Variants in CLIP1 observed in about 807,000 individuals in gnomAD.
CLIP1 encodes the protein CAP-Gly domain-containing linker protein 1.
A neutral mutation model predicts 161.6 loss-of-function variants in CLIP1; 66 were observed. The observed-to-expected ratio is 0.41, with a 90% CI of 0.33 to 0.50. The LOEUF is 0.50. Among genes scored for constraint, CLIP1 ranks in the 20% least tolerant of loss-of-function variants. The pLI, the probability that CLIP1 is intolerant of heterozygous loss-of-function variation, is 0.27. For missense variants in CLIP1, 1,376 were observed against 1,702.0 expected (o/e 0.81, Z 3.37); for synonymous variants, 598 against 626.2 (o/e 0.96, Z 0.67).
rs1951586270 is a variant in CLIP1 at position 122,323,316 on chromosome 12, T to C, written c.3250-3968A>G. On this transcript the variant is annotated intron_variant, in intron 17 of 25. Coordinates refer to ENST00000620786, the MANE Select transcript of CLIP1 (RefSeq NM_001247997.2). This position sits in a 1 kb window ranked among gnomAD's most constrained non-coding sequence, Gnocchi z 4.1. ...AAGCATTTGTGGAGTTTTTCAGTGATTATTCTATTTTCACTTAAAAGTTCC... is the reference window on the plus strand; with the variant it reads ...AAGCATTTGTGGAGTTTTTCAGTGACTATTCTATTTTCACTTAAAAGTTCC... 1 of 152,538 alleles carries C rather than the reference T, an allele frequency of 6.6e-6. No homozygotes were observed. Among genetic ancestry groups the C allele is most frequent in the Admixed American group, 6.6e-5 (1 of 15,258 alleles). The allele number at this position is 152,538 out of a possible 1,614,324, so 9.4% of individuals were successfully genotyped here.
rs1953288618 is a variant in CLIP1, at chr12:122,355,423, G to A, written c.1006-111C>T. ...TCGGCAAAGCAAGGGCGCTGCTCCA[G>A]CTGGCAGGCTGGCCAGGATTAGGAA... On this transcript the variant is annotated intron_variant, in intron 5 of 25. Coordinates refer to ENST00000620786, the MANE Select transcript of CLIP1 (RefSeq NM_001247997.2). This position sits in a 1 kb window ranked among gnomAD's most constrained non-coding sequence, Gnocchi z 4.1. 1 of 871,446 alleles carries A rather than the reference G, an allele frequency of 1.1e-6. No individual in the cohort carries two copies. The highest frequency in any genetic ancestry group is 1.7e-5 in the African/African-American group (1 of 59,302). The allele number at this position is 871,446 out of a possible 1,614,324, so 54.0% of individuals were successfully genotyped here.
chr12:122,296,932 C>T (rs902171030), intron 20 of CLIP1, among the ~76,000 whole-genome samples: 3 of 149,512 alleles, frequency 2.0e-5, no homozygotes, highest in Non-Finnish European at 4.4e-5. Context: ...ACAGCGTAGA[C>T]GAGTGGCCAA....
chr12:122,393,409 G>A (rs569538022), intron 1 of CLIP1, among the ~76,000 whole-genome samples: 2 of 151,336 alleles, frequency 1.3e-5, no homozygotes, highest in South Asian at 2.1e-4. Context: ...TGATCTGCCC[G>A]CCTCGGCCTC....
At chr12:122,386,091 G>A (rs1198775242) in intron 1 of CLIP1, among the ~76,000 whole-genome samples, 1 of 152,094 alleles carries the variant, frequency 6.6e-6, no homozygotes. Context: ...TTCGAGACCA[G>A]CCTGGCCAAC....
chr12:122,308,621 G>A (rs373154425), intron 20 of CLIP1, among the ~76,000 whole-genome samples: 137 of 152,234 alleles, frequency 9.0e-4, no homozygotes, highest in African/African-American at 3.0e-3. Context: ...TTGTGCTTCC[G>A]TTTCCCCTTT....
Position 122,374,465 on chromosome 12 carries a change from CA to C in CLIP1, c.657+2923del, listed in dbSNP as rs773925243. Among the ~76,000 whole-genome samples the C allele has an allele frequency of 8.7e-3, 1,109 of 127,928 alleles. 6 individuals carry two copies. Among genetic ancestry groups the C allele is most frequent in the Non-Finnish European group, 0.014 (839 of 59,278 alleles). 83.9% of individuals were successfully genotyped at this position (127,928 alleles called of 152,430 possible). On this transcript the variant is annotated intron_variant, in intron 3 of 25. Coordinates refer to ENST00000620786, the MANE Select transcript of CLIP1 (RefSeq NM_001247997.2). ...GAAACCCCGTCTCTACTAAAAATACCAAAAAAAAAAATTAGCAGCCAGGCGC... is the reference window on the plus strand; with the variant it reads ...GAAACCCCGTCTCTACTAAAAATACCAAAAAAAAAATTAGCAGCCAGGCGC...
rs574176502 is a variant in CLIP1, at chr12:122,341,869, C to T, written c.1507-172G>A. 1.1e-5 allele frequency: 5 copies of T among 440,772 alleles called. No homozygotes were observed. In the South Asian group the frequency reaches 2.3e-4, roughly 20 times the overall value. 27.3% of individuals were successfully genotyped at this position (440,772 alleles called of 1,614,324 possible). A position where few individuals can be genotyped will look rare whatever the true frequency, so the allele number is the denominator to read the frequency against. On this transcript the variant is annotated intron_variant, in intron 10 of 25. Transcript: ENST00000620786. ...TGCGATCTCAGCTCACTGCAACCTC[C>T]ACCTCCTGGGTTCAGGCGATTCTCC...
intron 2 of CLIP1, among the ~76,000 whole-genome samples, chr12:122,378,588 G>A (rs1341248931): frequency 6.6e-6 from 1 of 152,030 alleles, no homozygotes; most frequent in Non-Finnish European, 1.5e-5. Flanking sequence ...ATTCATAATT[G>A]GTCTGATTTC....
intron 15 of CLIP1, among the ~76,000 whole-genome samples, chr12:122,329,608 C>T (rs533254777): frequency 4.7e-5 from 7 of 149,474 alleles, no homozygotes; most frequent in East Asian, 3.9e-4. Context: ...CCAGCCTGGG[C>T]GACAGAGCGA....
At chr12:122,374,414 A>C (rs2136744017) in intron 3 of CLIP1, among the ~76,000 whole-genome samples, 1 of 150,406 alleles carries the variant, frequency 6.6e-6, no homozygotes, top group Middle Eastern at 3.4e-3. Flanking sequence ...AGGTCAAGAG[A>C]TCGAGACCAT....
chr12:122,299,366 G>A (rs145858255), intron 20 of CLIP1, among the ~76,000 whole-genome samples: 219 of 151,942 alleles, frequency 1.4e-3, no homozygotes, highest in African/African-American at 4.8e-3. Flanking sequence ...TAAAAGATAC[G>A]AAAGAGAATA....
At chr12:122,346,794 C>A (rs966594584) in intron 10 of CLIP1, among the ~76,000 whole-genome samples, 3 of 152,162 alleles carry the variant, frequency 2.0e-5, no homozygotes, top group African/African-American at 2.4e-5. Flanking sequence ...AGAGCCACTG[C>A]GCCCAGTGTC....
Position 122,319,319 on chromosome 12 carries a change from C to G in CLIP1, c.3279G>C (p.Gln1093His). 2 of 1,614,036 alleles carry G rather than the reference C, an allele frequency of 1.2e-6. No homozygotes were observed. Among genetic ancestry groups the G allele is most frequent in the Non-Finnish European group, 1.7e-6 (2 of 1,179,864 alleles). Residue 1093 changes from glutamine to histidine, a missense_variant, in exon 18 of 26, where the codon CAG becomes CAC. Coordinates refer to ENST00000620786, the MANE Select transcript of CLIP1 (RefSeq NM_001247997.2). ...KAAQTAEDAM[Q>H]IMEQMTKEKT... Reference sequence around the variant, plus strand: ...TCTCTTTGGTCATCTGTTCCATTATCTGCATGGCATCTTCCGCTGTTTGAG... The same window carrying G: ...TCTCTTTGGTCATCTGTTCCATTATGTGCATGGCATCTTCCGCTGTTTGAG...
intron 15 of CLIP1, 86 bp downstream of exon 15, chr12:122,332,899 AAT>A (rs1952046767): frequency 3.8e-6 from 4 of 1,053,374 alleles, no homozygotes; most frequent in Non-Finnish European, 5.5e-6. Context: ...AAAACGTAAC[AAT>A]CCTAAACATT....
At chr12:122,326,196 C>T (rs951793295) in intron 17 of CLIP1, among the ~76,000 whole-genome samples, 32 of 152,344 alleles carry the variant, frequency 2.1e-4, no homozygotes, top group Admixed American at 1.4e-3. Context: ...GGGAACAGTC[C>T]TGGCATTTTT....
Position 122,328,304 on chromosome 12 carries a change from T to C in CLIP1, c.2990A>G (p.His997Arg), listed in dbSNP as rs767877376. The change falls in exon 16 of 26, where the codon CAT becomes CGT. Residue 997 changes from histidine to arginine, a missense_variant. Coordinates refer to ENST00000620786, the MANE Select transcript of CLIP1 (RefSeq NM_001247997.2). ...CTCCAATTCTTTCTTTTCTTCCTCA[T>C]GCTTTTTAGCTGCTTCTTGCTGGCT... ...EQSQQEAAKK[H>R]EEEKKELERK... 5.0e-6 allele frequency: 8 copies of C among 1,614,056 alleles called. No individual in the cohort carries two copies. The highest frequency in any genetic ancestry group is 2.7e-5 in the African/African-American group (2 of 74,938).
At chr12:122,358,777 G>T (rs1258865599) in intron 5 of CLIP1, among the ~76,000 whole-genome samples, 1 of 151,900 alleles carries the variant, frequency 6.6e-6, no homozygotes, top group Non-Finnish European at 1.5e-5. Context: ...GAATTGGCCA[G>T]GTGTGGTGGC....
chr12:122,345,789 CTTTTTTT>C (rs538550811), intron 10 of CLIP1, among the ~76,000 whole-genome samples: 1 of 143,014 alleles, frequency 7.0e-6, no homozygotes, highest in Non-Finnish European at 1.5e-5. Context: ...ATTTCTTTTT[CTTTTTTT>C]TTTTTTGAGA....
chr12:122,422,731 C>CGG (rs1566260340), upstream of CLIP1: 6 of 137,650 alleles, frequency 4.4e-5, no homozygotes, highest in East Asian at 1.3e-3. Context: ...CCCGGCCGGC[C>CGG]CGGCCGGCCC....
Sources: allele counts gnomAD v4.1 joint callset (sites outside exome capture counted in the v4.1 genomes callset), GRCh38; gene constraint gnomAD v4.1.1; non-coding constraint Gnocchi (gnomAD v3.1); transcripts MANE v1.5; gene names NCBI Gene and HGNC (gene_info 2026-07-23, HGNC 2026-07-21).